Variants in NME9 observed in about 807,000 individuals in gnomAD.
The protein encoded by NME9 is NME/NM23 family member 9.
Under a neutral mutation model 44.4 loss-of-function variants are expected in NME9, and 48 were observed. The observed-to-expected ratio is 1.08, with a 90% CI of 0.86 to 1.37. The LOEUF is 1.37. NME9 is among the 40% of genes most tolerant of loss of function. The pLI, the probability that NME9 is intolerant of heterozygous loss-of-function variation, is 0.00. For missense variants in NME9, 325 were observed against 405.2 expected, an observed-to-expected ratio of 0.80 and a Z score of 1.70; for synonymous variants, 139 against 147.1, an observed-to-expected ratio of 0.94 and a Z score of 0.40.
At chr3:138,297,128 A>G (rs2051557979), downstream of NME9, 1 of 152,188 alleles carries the variant, frequency 6.6e-6, no homozygotes, top group Non-Finnish European at 1.5e-5. Context: ...GCTTTTGTAA[A>G]ACGAGATTGA....
chr3:138,329,212 A>C, intron 1 of NME9, 91 bp downstream of exon 1: 2 of 1,131,100 alleles, frequency 1.8e-6, no homozygotes, highest in South Asian at 2.7e-5. Flanking sequence ...GGCAAACAGA[A>C]TGTCACTTTT....
At chr3:138,267,299 T>C in intron 8 of NME9, 2 of 1,046,410 alleles carry the variant, frequency 1.9e-6, no homozygotes, top group Non-Finnish European at 2.7e-6. Flanking sequence ...CTTACTCAAA[T>C]ACTTTTTATA....
intron 3 of NME9, among the ~76,000 whole-genome samples, chr3:138,318,525 T>C (rs1452809731): frequency 6.6e-6 from 1 of 151,728 alleles, no homozygotes; most frequent in Non-Finnish European, 1.5e-5. Context: ...GAGGTGAAGG[T>C]CCTCAGGCAC....
rs2108377073 is a variant in NME9, at chr3:138,288,609, T to G, written c.745+14898A>C. On this transcript the variant is annotated intron_variant, in intron 8 of 8. Transcript: ENST00000317876. The stretch of plus-strand genomic sequence containing the variant: ...GTTAACTTCATGGCCCCTCAAGACA[T>G]TTGAGTTTGAGGACTCTTCTTCAGA... Among the ~76,000 whole-genome samples, 3 of 151,978 alleles carry G rather than the reference T, an allele frequency of 2.0e-5. No individual in the cohort carries two copies. The Middle Eastern group carries it at 0.01, about 517-fold the overall frequency.
rs752311109 is a variant in NME9, at chr3:138,303,593, C to T, written c.842G>A (p.Ser281Asn). Residue 281 changes from serine to asparagine, a missense_variant, in exon 10 of 11, where the codon AGC (serine) becomes AAC (asparagine). Coordinates refer to ENST00000333911, the MANE Select transcript of NME9 (RefSeq NM_001349018.2). The part of the protein sequence containing the change: ...TEMPFNAVHG[S>N]RDREDADREL... Reference sequence around the variant, plus strand: ...TCTGTCAGCATCTTCTCTGTCCCGGCTTCCATGGACGGCATTGAAGGGCAT... The same window carrying T: ...TCTGTCAGCATCTTCTCTGTCCCGGTTTCCATGGACGGCATTGAAGGGCAT... 1.2e-6 allele frequency: 2 copies of T among 1,613,844 alleles called. No homozygotes were observed. The highest frequency in any genetic ancestry group is 8.5e-7 in the Non-Finnish European group (1 of 1,179,678).
intron 8 of NME9, among the ~76,000 whole-genome samples, chr3:138,285,329 T>C (rs2050302960): frequency 6.6e-6 from 1 of 152,226 alleles, no homozygotes; most frequent in Non-Finnish European, 1.5e-5. Flanking sequence ...CTTCAGTGGC[T>C]CCTTGTTATA....
chr3:138,286,757 A>T (rs1056948410), intron 8 of NME9, among the ~76,000 whole-genome samples: 1 of 152,254 alleles, frequency 6.6e-6, no homozygotes, highest in East Asian at 1.9e-4. Flanking sequence ...GGAGAATCTC[A>T]TCCACCCCCA....
intron 8 of NME9, chr3:138,295,904 CT>C (rs1409983142): frequency 6.2e-7 from 1 of 1,612,990 alleles, no homozygotes; most frequent in Admixed American, 1.7e-5. Context: ...GGGAGTGCCC[CT>C]GGGCACCTGC....
rs139311375 is a variant in NME9, at chr3:138,304,899, A to G, written c.765T>C (p.Asn255=). ...TTTCTGGCTGCTCCCTCCTGGCCACATTGGGGTCACGGGGGCCCATGACGG... is the reference window on the plus strand; with the variant it reads ...TTTCTGGCTGCTCCCTCCTGGCCACGTTGGGGTCACGGGGGCCCATGACGG... The part of the protein sequence containing the change: ...WRTVMGPRDP[N]VARREQPESL... The change falls in exon 9 of 11, where the codon AAT becomes AAC. Residue 255 remains asparagine, a synonymous_variant. Coordinates refer to ENST00000333911, the MANE Select transcript of NME9 (RefSeq NM_001349018.2). 357 of 1,614,042 alleles carry G rather than the reference A, an allele frequency of 2.2e-4. No individual in the cohort carries two copies. In the African/African-American group the frequency reaches 4.5e-3, roughly 20 times the overall value.
chr3:138,315,669 A>G (rs1352466853), intron 4 of NME9, 26 bp from the exon 5 acceptor site: 5 of 1,474,960 alleles, frequency 3.4e-6, no homozygotes, highest in Non-Finnish European at 4.6e-6. Context: ...AACAGCATGA[A>G]ATACTCTTGG....
chr3:138,312,597 T>C (rs4678406), intron 6 of NME9, among the ~76,000 whole-genome samples: 113,643 of 152,162 alleles, frequency 0.75, 42,633 homozygotes, highest in Admixed American at 0.82. Context: ...CATATACAAA[T>C]ACAAAATCAA....
Position 138,329,393 on chromosome 3 carries a change from C to G in NME9, c.-58G>C. ...CGGCCGTGGGCCGTTCCCCCGCAGC[C>G]TCGCGACAAACCGCTGCGTGGATCA... is the stretch of plus-strand genomic sequence containing the variant. On this transcript the variant is annotated 5_prime_UTR_variant, in exon 1 of 11. Coordinates refer to ENST00000333911, the MANE Select transcript of NME9 (RefSeq NM_001349018.2). The G allele has an allele frequency of 6.5e-7, 1 of 1,535,564 alleles. No homozygotes were observed. Among genetic ancestry groups the G allele is most frequent in the Non-Finnish European group, 8.7e-7 (1 of 1,146,652 alleles).
chr3:138,275,275 T>G (rs2049167967), intron 8 of NME9, among the ~76,000 whole-genome samples: 1 of 152,162 alleles, frequency 6.6e-6, no homozygotes, highest in Non-Finnish European at 1.5e-5. Flanking sequence ...TTCATTAAGC[T>G]GGACGGGTAC....
chr3:138,315,493 G>T, intron 5 of NME9, 34 bp downstream of exon 5: 1 of 1,428,846 alleles, frequency 7.0e-7, no homozygotes, highest in Non-Finnish European at 9.5e-7. Context: ...GCGCACTTGT[G>T]AGTTAGCTGC....
chr3:138,270,238 A>T, intron 8 of NME9: 1 of 896,014 alleles, frequency 1.1e-6, no homozygotes, highest in Non-Finnish European at 1.7e-6. Context: ...TTCTTTTTCA[A>T]AAATCTGGCT....
chr3:138,311,879 A>G (rs200576565), intron 6 of NME9, among the ~76,000 whole-genome samples: 1 of 152,334 alleles, frequency 6.6e-6, no homozygotes, highest in East Asian at 1.9e-4. Context: ...ACCCCACCAA[A>G]AAACTGTTAG....
At chr3:138,274,008 G>A (rs958714183) in intron 8 of NME9, among the ~76,000 whole-genome samples, 4 of 152,062 alleles carry the variant, frequency 2.6e-5, no homozygotes, top group African/African-American at 9.7e-5. Flanking sequence ...AGTAGAGACG[G>A]GGTTTTGCCG....
intron 8 of NME9, among the ~76,000 whole-genome samples, chr3:138,283,441 C>A (rs1258267846): frequency 6.6e-6 from 1 of 152,218 alleles, no homozygotes; most frequent in Non-Finnish European, 1.5e-5. Flanking sequence ...CAGTATCCAA[C>A]AAGTGCTCTT....
intron 2 of NME9, among the ~76,000 whole-genome samples, chr3:138,322,920 AT>A (rs1029202344): frequency 6.6e-6 from 1 of 152,120 alleles, no homozygotes; most frequent in South Asian, 2.1e-4. Flanking sequence ...AGAAATAATG[AT>A]TTTTTTCACC....
Sources: allele counts gnomAD v4.1 joint callset (sites outside exome capture counted in the v4.1 genomes callset), GRCh38; gene constraint gnomAD v4.1.1; transcripts MANE v1.5; gene names NCBI Gene and HGNC (gene_info 2026-07-23, HGNC 2026-07-21).